The following CFAP20DC variants were observed in gnomAD, a reference collection of about 807,000 sequenced individuals.
CFAP20DC encodes protein CFAP20DC.
CFAP20DC carries 84 observed loss-of-function variants against 101.7 expected under a neutral mutation model. That is an observed-to-expected ratio of 0.83 (90% CI 0.69 to 0.99). The LOEUF (loss-of-function observed/expected upper bound fraction) is 0.99, where lower values mean the gene tolerates loss of function less well. Among genes scored for constraint, CFAP20DC ranks in the 50% least tolerant of loss-of-function variants. The probability of loss-of-function intolerance (pLI) is 0.00; values close to 1 mark genes in which losing one functional copy is unlikely to be tolerated. For synonymous variants in CFAP20DC, 359 were observed against 351.2 expected (o/e 1.02, Z -0.25); for missense variants, 1,007 against 970.3 (o/e 1.04, Z -0.50).
At chr3:58,983,161 T>G (rs972074801) in intron 4 of CFAP20DC, among the ~76,000 whole-genome samples, 4 of 152,200 alleles carry the variant, frequency 2.6e-5, no homozygotes, top group African/African-American at 9.7e-5. Flanking sequence ...TTTAAGAAAT[T>G]CTTTGCCAGA....
At chr3:58,740,341 C>T (rs545164144), downstream of CFAP20DC, among the ~76,000 whole-genome samples, 77 of 152,234 alleles carry the variant, frequency 5.1e-4, 1 homozygote, top group African/African-American at 1.5e-3. This position sits in a 1 kb window ranked among gnomAD's most constrained non-coding sequence, Gnocchi z 4.6. Context: ...CCATTCCATG[C>T]GGTCCTGGGG....
intron 13 of CFAP20DC, among the ~76,000 whole-genome samples, chr3:58,839,043 T>C (rs1013685554): frequency 2.6e-5 from 4 of 152,224 alleles, no homozygotes; most frequent in Non-Finnish European, 5.9e-5. Context: ...GTAAGCCAAC[T>C]GATATATCTG....
intron 12 of CFAP20DC, chr3:58,862,960 G>T: frequency 1.0e-6 from 1 of 973,112 alleles, no homozygotes; most frequent in Non-Finnish European, 1.2e-6. Flanking sequence ...AACTTTTTAC[G>T]AATTTGCTAA....
intron 4 of CFAP20DC, among the ~76,000 whole-genome samples, chr3:59,028,677 G>A (rs1180981472): frequency 6.6e-6 from 1 of 152,188 alleles, no homozygotes; most frequent in Non-Finnish European, 1.5e-5. Context: ...TAGCTGGCAA[G>A]TTCCTTATCC....
chr3:59,016,664 C>T (rs1356864929), intron 4 of CFAP20DC, among the ~76,000 whole-genome samples: 4 of 152,016 alleles, frequency 2.6e-5, no homozygotes, highest in Non-Finnish European at 5.9e-5. Context: ...ACAATTGTTA[C>T]TTGTTAACTA....
In CFAP20DC at chr3:59,049,956, G is replaced by A. The variant is rs559187163; in HGVS notation, c.-325C>T. ...CTACGTGACGGGGCGCCCAGTCGCG[G>A]AGCCACAGACAACCGCCCGCTGGCC... On this transcript the variant is annotated 5_prime_UTR_variant, in exon 1 of 17. Coordinates refer to ENST00000482387, the MANE Select transcript of CFAP20DC (RefSeq NM_001394063.1). 9.5e-6 allele frequency: 3 copies of A among 315,610 alleles called. No individual in the cohort carries two copies. The highest frequency in any genetic ancestry group is 4.3e-5 in the African/African-American group (2 of 46,440). The allele number at this position is 315,610 out of a possible 1,614,324, so 19.6% of individuals were successfully genotyped here. A position where few individuals can be genotyped will look rare whatever the true frequency, so the allele number is the denominator to read the frequency against.
chr3:58,997,710 T>C (rs895792041), intron 4 of CFAP20DC, among the ~76,000 whole-genome samples: 9 of 152,212 alleles, frequency 5.9e-5, no homozygotes, highest in Non-Finnish European at 8.8e-5. Flanking sequence ...CAAAAAATTA[T>C]TTTAAGGACC....
intron 6 of CFAP20DC, among the ~76,000 whole-genome samples, chr3:58,905,743 A>C (rs1416768717): frequency 6.6e-6 from 1 of 152,244 alleles, no homozygotes; most frequent in Non-Finnish European, 1.5e-5. Flanking sequence ...GTGGAATTTA[A>C]GAAATAGGTT....
chr3:59,031,711 T>C (rs1449182432), intron 4 of CFAP20DC, among the ~76,000 whole-genome samples: 1 of 152,258 alleles, frequency 6.6e-6, no homozygotes, highest in Non-Finnish European at 1.5e-5. Context: ...GACAAGATTG[T>C]ATATTGATAG....
chr3:58,890,213 G>T (rs539445206), intron 6 of CFAP20DC, among the ~76,000 whole-genome samples: 3 of 147,596 alleles, frequency 2.0e-5, no homozygotes, highest in African/African-American at 7.5e-5. Context: ...CGGACGGGGC[G>T]GCTGGCCGGG....
In CFAP20DC at chr3:58,761,212, A is replaced by C. The variant is rs541005732; in HGVS notation, c.2238-7349T>G. Among the ~76,000 whole-genome samples the C allele has an allele frequency of 7.7e-3, 1,173 of 152,188 alleles. 13 individuals are homozygous for C. The highest frequency in any genetic ancestry group is 0.027 in the African/African-American group (1,138 of 41,510). On this transcript the variant is annotated intron_variant, in intron 15 of 16. Coordinates refer to ENST00000482387, the MANE Select transcript of CFAP20DC (RefSeq NM_001394063.1). ...CTATTAATTATTGCCTCAATTTCAG[A>C]GCCTGTCATTGGTCTATTCAGAGAT...
At chr3:59,012,359 AT>A (rs1328417440) in intron 4 of CFAP20DC, among the ~76,000 whole-genome samples, 1 of 151,316 alleles carries the variant, frequency 6.6e-6, no homozygotes, top group Non-Finnish European at 1.5e-5. Flanking sequence ...TTTAGACAGC[AT>A]AAGGCTGAGG....
chr3:58,995,433 TTAAAA>T (rs2093086506), intron 4 of CFAP20DC, among the ~76,000 whole-genome samples: 1 of 151,916 alleles, frequency 6.6e-6, no homozygotes. Flanking sequence ...AAATAATAAA[TTAAAA>T]TGTTTCCAAA....
chr3:58,963,820 C>T (rs2091340273), intron 4 of CFAP20DC, among the ~76,000 whole-genome samples: 2 of 152,116 alleles, frequency 1.3e-5, no homozygotes, highest in Admixed American at 1.3e-4. Flanking sequence ...GCCAAGGGGA[C>T]CCCAAACTGA....
At chr3:58,792,433 A>AGATATTAGATATTAGATATTAGATATT (rs2072931989) in intron 15 of CFAP20DC, among the ~76,000 whole-genome samples, 1 of 152,142 alleles carries the variant, frequency 6.6e-6, no homozygotes, top group South Asian at 2.1e-4. Flanking sequence ...TTTGAATATT[A>AGATATTAGATATTAGATATTAGATATT]AGATATTAGA....
intron 4 of CFAP20DC, among the ~76,000 whole-genome samples, chr3:59,003,654 A>C (rs1432825964): frequency 6.6e-6 from 1 of 152,196 alleles, no homozygotes; most frequent in Non-Finnish European, 1.5e-5. Flanking sequence ...TTTTCCAGAC[A>C]TGATATGAAA....
intron 5 of CFAP20DC, among the ~76,000 whole-genome samples, chr3:58,915,449 A>T (rs1164456110): frequency 2.6e-5 from 4 of 152,102 alleles, no homozygotes; most frequent in East Asian, 3.9e-4. Context: ...GTCCTAAAAG[A>T]CTTCTTATCA....
At chr3:59,040,649 T>C (rs1449904893) in intron 3 of CFAP20DC, among the ~76,000 whole-genome samples, 3 of 152,014 alleles carry the variant, frequency 2.0e-5, no homozygotes, top group African/African-American at 7.2e-5. Flanking sequence ...TCCAACTTAG[T>C]ACGCTTAACA....
At chr3:58,867,686 T>A in intron 10 of CFAP20DC, 131 bp downstream of exon 10, 2 of 1,120,312 alleles carry the variant, frequency 1.8e-6, no homozygotes, top group Non-Finnish European at 2.6e-6. Context: ...ATTTCCATAA[T>A]CCTTGTAGAA....
Sources: gnomAD v4.1 joint callset for allele counts (sites outside exome capture counted in the v4.1 genomes callset) on GRCh38, gnomAD v4.1.1 for gene constraint, Gnocchi (gnomAD v3.1) non-coding constraint, MANE v1.5 for transcripts, NCBI Gene and HGNC (gene_info 2026-07-23, HGNC 2026-07-21) for gene names.